Variants in MAGI2 observed in about 807,000 individuals in gnomAD.
The protein encoded by MAGI2 is membrane-associated guanylate kinase, WW and PDZ domain-containing protein 2.
Under a neutral mutation model 133.3 loss-of-function variants are expected in MAGI2, and 35 were observed. The ratio of observed to expected loss-of-function variants is 0.26; its 90% confidence interval spans 0.20 to 0.35. The LOEUF is 0.35. MAGI2 is among the 10% of genes least tolerant of loss of function. The pLI is 1.00. For missense variants in MAGI2, 1,636 were observed against 1,863.4 expected, an observed-to-expected ratio of 0.88 and a Z score of 2.25; for synonymous variants, 729 against 710.6, an observed-to-expected ratio of 1.03 and a Z score of -0.41.
At chr7:79,177,902 C>T (rs1360697966) in intron 1 of MAGI2, among the ~76,000 whole-genome samples, 2 of 151,946 alleles carry the variant, frequency 1.3e-5, no homozygotes, top group African/African-American at 4.8e-5. Context: ...AGCGTGTATG[C>T]GGTTTTACTC....
In MAGI2 at chr7:78,845,624, T is replaced by C. The variant is rs374008934; in HGVS notation, c.418+161466A>G. On this transcript the variant is annotated intron_variant, in intron 2 of 21. Transcript: ENST00000354212. ...GCCTATTGCTGTCAACTAACCGGTA[T>C]GGGAAACCACTGTGGATAGCTGAAG... Among the ~76,000 whole-genome samples, 12 of 152,026 alleles carry C rather than the reference T, an allele frequency of 7.9e-5. No individual in the cohort carries two copies. In the South Asian group the frequency reaches 1.9e-3, roughly 24 times the overall value.
chr7:78,283,542 T>TAAATGTTCTCATTAGCATTTCTTGTCTG (rs1795841636), intron 9 of MAGI2, among the ~76,000 whole-genome samples: 2 of 152,158 alleles, frequency 1.3e-5, no homozygotes, highest in African/African-American at 4.8e-5. Flanking sequence ...CCATTGTTTT[T>TAAATGTTCTCATTAGCATTTCTTGTCTG]AAATGTTCTC....
Position 78,574,387 on chromosome 7 carries a change from C to T in MAGI2, c.538+52733G>A, listed in dbSNP as rs556639579. Among the ~76,000 whole-genome samples the T allele has an allele frequency of 2.6e-4, 39 of 152,308 alleles. 1 individual carries two copies. The highest frequency in any genetic ancestry group is 7.9e-4 in the African/African-American group (33 of 41,580). On this transcript the variant is annotated intron_variant, in intron 3 of 21. Transcript: ENST00000354212. ...GCCTCTCCAGTCTTCTGATTCCTTG[C>T]CCATTTCTTTTTCTGCATGGATTTA... is the stretch of plus-strand genomic sequence containing the variant.
chr7:78,684,446 G>A (rs923572034), intron 2 of MAGI2, among the ~76,000 whole-genome samples: 8 of 152,138 alleles, frequency 5.3e-5, no homozygotes, highest in Non-Finnish European at 7.4e-5. Context: ...TGGGAAGCAC[G>A]TCTTTGATCT....
intron 2 of MAGI2, among the ~76,000 whole-genome samples, chr7:78,633,427 T>C (rs1362788532): frequency 6.6e-6 from 1 of 151,666 alleles, no homozygotes; most frequent in Non-Finnish European, 1.5e-5. Flanking sequence ...AGAGAATGGC[T>C]GGGGGCGGTG....
rs138329343 is a variant in MAGI2, at chr7:78,462,693, A to C, written c.1045+27068T>G. ...TCCTTATCAGTTTGCATATTAAATGAATGATTAATATTTTCCCAAATAGGC... is the reference window on the plus strand; with the variant it reads ...TCCTTATCAGTTTGCATATTAAATGCATGATTAATATTTTCCCAAATAGGC... On this transcript the variant is annotated intron_variant, in intron 6 of 21. Coordinates refer to ENST00000354212, the MANE Select transcript of MAGI2 (RefSeq NM_012301.4). 9.2e-5 allele frequency among the ~76,000 whole-genome samples: 14 copies of C among 152,360 alleles called. 1 individual carries two copies. The highest frequency in any genetic ancestry group is 3.4e-4 in the African/African-American group (14 of 41,582).
At chr7:78,504,227 GA>G (rs1794888743) in intron 4 of MAGI2, among the ~76,000 whole-genome samples, 1 of 152,182 alleles carries the variant, frequency 6.6e-6, no homozygotes, top group African/African-American at 2.4e-5. Context: ...GTGAGTATAT[GA>G]GATAATTTTA....
At chr7:78,918,246 T>C (rs1798950439) in intron 2 of MAGI2, among the ~76,000 whole-genome samples, 1 of 152,162 alleles carries the variant, frequency 6.6e-6, no homozygotes, top group Non-Finnish European at 1.5e-5. Flanking sequence ...TATCTATTTC[T>C]TACTATGCCA....
chr7:78,359,509 A>G (rs1792547372), intron 7 of MAGI2: 1 of 152,178 alleles, frequency 6.6e-6, no homozygotes, highest in Non-Finnish European at 1.5e-5. Flanking sequence ...ATCTTTAGAA[A>G]TGCCCTTTTA....
intron 2 of MAGI2, among the ~76,000 whole-genome samples, chr7:78,761,655 AC>A (rs1216160068): frequency 5.9e-5 from 9 of 151,976 alleles, no homozygotes; most frequent in Admixed American, 5.2e-4. Context: ...ATGGGGTTTC[AC>A]CATGTTAGCC....
At chr7:79,290,493 G>GACGCATC (rs1453724868) in intron 1 of MAGI2, among the ~76,000 whole-genome samples, 5 of 151,886 alleles carry the variant, frequency 3.3e-5, no homozygotes, top group African/African-American at 1.2e-4. Context: ...GCTTATGACA[G>GACGCATC]ACGCATCCAT....
At chr7:78,592,978 T>A (rs1441857494) in intron 3 of MAGI2, among the ~76,000 whole-genome samples, 1 of 151,688 alleles carries the variant, frequency 6.6e-6, no homozygotes, top group East Asian at 2.0e-4. Context: ...GGATCACAGG[T>A]ACTTGCCACC....
chr7:78,052,890 G>GA (rs879564420), intron 21 of MAGI2, among the ~76,000 whole-genome samples: 4 of 151,700 alleles, frequency 2.6e-5, no homozygotes, highest in Non-Finnish European at 5.9e-5. Context: ...GGAAAAATTA[G>GA]AAAATTAAAA....
chr7:78,444,587 T>C (rs1240755141), intron 6 of MAGI2, among the ~76,000 whole-genome samples: 2 of 152,034 alleles, frequency 1.3e-5, no homozygotes, highest in African/African-American at 4.8e-5. Flanking sequence ...TTAGTATTAT[T>C]GTATTGGAGA....
intron 2 of MAGI2, among the ~76,000 whole-genome samples, chr7:78,950,163 C>A (rs538170473): frequency 5.9e-5 from 9 of 152,230 alleles, no homozygotes; most frequent in African/African-American, 1.7e-4. Context: ...TCTTCCCCAG[C>A]TGGCTGCTCA....
chr7:78,965,114 C>A (rs185073068), intron 2 of MAGI2, among the ~76,000 whole-genome samples: 5 of 151,246 alleles, frequency 3.3e-5, no homozygotes, highest in Admixed American at 3.3e-4. Flanking sequence ...ACTTTGTATT[C>A]ATATAATTTA....
At chr7:79,228,869 G>C (rs1040731578) in intron 1 of MAGI2, among the ~76,000 whole-genome samples, 1 of 152,118 alleles carries the variant, frequency 6.6e-6, no homozygotes, top group African/African-American at 2.4e-5. Context: ...TAGGTACTGA[G>C]CATTGGAAGC....
chr7:78,069,097 G>T (rs1450354862), intron 21 of MAGI2, among the ~76,000 whole-genome samples: 1 of 152,190 alleles, frequency 6.6e-6, no homozygotes, highest in Non-Finnish European at 1.5e-5. Flanking sequence ...AAGACAATGG[G>T]AGGAAAATCT....
chr7:78,219,961 A>G (rs1475789070), intron 10 of MAGI2, among the ~76,000 whole-genome samples: 1 of 152,190 alleles, frequency 6.6e-6, no homozygotes. Flanking sequence ...GAATCTTTGT[A>G]AGGCACAAAT....
Sources: allele counts gnomAD v4.1 joint callset (sites outside exome capture counted in the v4.1 genomes callset), GRCh38; gene constraint gnomAD v4.1.1; transcripts MANE v1.5; gene names NCBI Gene and HGNC (gene_info 2026-07-23, HGNC 2026-07-21).